The following EPG5 variants were observed in gnomAD, a reference collection of about 807,000 sequenced individuals.
EPG5 encodes the protein ectopic P-granules 5 autophagy tethering factor.
In EPG5, 159 loss-of-function variants were observed where a neutral mutation model predicts 302.7. The observed-to-expected ratio is 0.53, with a 90% confidence interval of 0.46 to 0.60. The LOEUF (loss-of-function observed/expected upper bound fraction) is 0.60. Among genes scored for constraint, EPG5 ranks in the 20% least tolerant of loss-of-function variants. The pLI is 0.00. For missense variants in EPG5, 2,896 were observed against 3,092.4 expected, an observed-to-expected ratio of 0.94 and a Z score of 1.51; for synonymous variants, 1,158 against 1,136.8, an observed-to-expected ratio of 1.02 and a Z score of -0.37.
intron 35 of EPG5, among the ~76,000 whole-genome samples, chr18:45,874,644 G>A (rs946629932): frequency 6.6e-6 from 1 of 152,190 alleles, no homozygotes; most frequent in Non-Finnish European, 1.5e-5. Flanking sequence ...CAGGAGAACA[G>A]TATGAGGGAA....
At position 45,866,858 on chromosome 18, in the gene EPG5, G is replaced by T; in HGVS notation, c.6561C>A (p.Ile2187=). 1 of 1,614,166 alleles carries T rather than the reference G, an allele frequency of 6.2e-7. No individual in the cohort carries two copies. ...ILAKESYAEL[I]MKLLKVSAGL... ...CCGCAGACACTTTTAGGAGCTTCAT[G>T]ATTAATTCAGCATAAGATTCTTTTG... Residue 2187 remains isoleucine (I), a synonymous_variant, in exon 38 of 44, where the codon ATC becomes ATA. Transcript: ENST00000282041.
In EPG5 at chr18:45,955,212, T is replaced by C; in HGVS notation, c.190A>G (p.Thr64Ala). The C allele has an allele frequency of 1.9e-6, 3 of 1,614,198 alleles. No individual in the cohort carries two copies. Among genetic ancestry groups the C allele is most frequent in the Non-Finnish European group, 2.5e-6 (3 of 1,180,030 alleles). ...EFKGDHLKVV[T>A]DSQLQDDASG... ...GCATCATCCTGGAGCTGGGAATCAGTTACCACCTTCAGATGGTCTCCTTTG... is the reference window on the plus strand; with the variant it reads ...GCATCATCCTGGAGCTGGGAATCAGCTACCACCTTCAGATGGTCTCCTTTG... Residue 64 changes from threonine to alanine, a missense_variant, in exon 2 of 44, where the codon ACT becomes GCT. Thr to Ala is a moderately conservative substitution (Grantham distance 58). Coordinates refer to ENST00000282041, the MANE Select transcript of EPG5 (RefSeq NM_020964.3).
rs765474500 is a variant in EPG5 at position 45,928,863 on chromosome 18, T to G, written c.2553+6A>C. On this transcript the variant is annotated splice_donor_region_variant and intron_variant, in intron 13 of 43. Coordinates refer to ENST00000282041, the MANE Select transcript of EPG5 (RefSeq NM_020964.3). Reference sequence around the variant, plus strand: ...AAACAAAAACAAACAAAATCAGTGCTCTTACCATTCCAACCTGGTCAATGG... The same window carrying G: ...AAACAAAAACAAACAAAATCAGTGCGCTTACCATTCCAACCTGGTCAATGG... 2 of 1,607,370 alleles carry G rather than the reference T, an allele frequency of 1.2e-6. No homozygotes were observed. The highest frequency in any genetic ancestry group is 2.2e-5 in the South Asian group (2 of 89,278).
chr18:45,901,047 T>C lies in EPG5; in HGVS notation c.4595A>G (p.Asp1532Gly). The C allele has an allele frequency of 6.2e-7, 1 of 1,614,166 alleles. No homozygotes were observed. The highest frequency in any genetic ancestry group is 8.5e-7 in the Non-Finnish European group (1 of 1,180,026). Residue 1532 changes from aspartate (D) to glycine (G), a missense_variant, in exon 26 of 44, where the codon GAC (aspartate) becomes GGC (glycine). Around this residue, in one of 5 missense-constraint regions of EPG5, gnomAD observed 790 missense variants for 798.0 expected, o/e 0.99. Coordinates refer to ENST00000282041, the MANE Select transcript of EPG5 (RefSeq NM_020964.3). ...ISSAVLLSQK[D>G]ATQLVCTDLN... Reference sequence around the variant, plus strand: ...GTCTGTGCACACCAGCTGGGTGGCGTCCTTCTGACTCAATAGCACAGCAGA... The same window carrying C: ...GTCTGTGCACACCAGCTGGGTGGCGCCCTTCTGACTCAATAGCACAGCAGA...
At chr18:45,948,605 G>A (rs778282748) in intron 5 of EPG5, 29 bp from the exon 6 acceptor site, 2 of 1,568,888 alleles carry the variant, frequency 1.3e-6, no homozygotes, top group South Asian at 2.2e-5. Flanking sequence ...AAAGCATACT[G>A]TAGAAAACAA....
At position 45,865,720 on chromosome 18, in the gene EPG5, C is replaced by G. The variant is rs1421354882; in HGVS notation, c.6661G>C (p.Val2221Leu). The G allele has an allele frequency of 6.2e-7, 1 of 1,612,254 alleles. No individual in the cohort carries two copies. The highest frequency in any genetic ancestry group is 8.5e-7 in the Non-Finnish European group (1 of 1,179,676). Reference sequence around the variant, plus strand: ...TGTTCCAGGGTGCTGAGGAATTGAACCATCTGATGAGTAAAAGCTTGGCAT... The same window carrying G: ...TGTTCCAGGGTGCTGAGGAATTGAAGCATCTGATGAGTAAAAGCTTGGCAT... ...PKCQAFTHQM[V>L]QFLSTLEQNG... The change falls in exon 39 of 44, where the codon GTT (valine) becomes CTT (leucine). Residue 2221 changes from valine to leucine, a missense_variant. By Grantham distance (32) the Val-to-Leu change is conservative. Transcript: ENST00000282041.
chr18:45,834,120 C>T, the EPG5 span, among the ~76,000 whole-genome samples: 1 of 152,144 alleles, frequency 6.6e-6, no homozygotes, highest in African/African-American at 2.4e-5. Flanking sequence ...TTCGTGCAGT[C>T]CCCTCCCTTT....
chr18:45,852,627 A>G lies in EPG5; in HGVS notation c.7580T>C (p.Met2527Thr), dbSNP rs761480130. The G allele has an allele frequency of 1.9e-6, 3 of 1,614,182 alleles. No homozygotes were observed. In the South Asian group the frequency reaches 3.3e-5, roughly 18 times the overall value. ...AQQALNALES[M>T]ASSKQYVEYQ... Reference sequence around the variant, plus strand: ...TTCAACATACTGCTTACTTGATGCCATGGATTCAAGAGCATTCAGAGCCTA... The same window carrying G: ...TTCAACATACTGCTTACTTGATGCCGTGGATTCAAGAGCATTCAGAGCCTA... The change falls in exon 44 of 44, where the codon ATG becomes ACG. Residue 2527 changes from methionine to threonine, a missense_variant. Coordinates refer to ENST00000282041, the MANE Select transcript of EPG5 (RefSeq NM_020964.3).
intron 11 of EPG5, among the ~76,000 whole-genome samples, chr18:45,932,646 T>C (rs2050419776): frequency 6.6e-6 from 1 of 152,090 alleles, no homozygotes; most frequent in Non-Finnish European, 1.5e-5. Flanking sequence ...AATTGATATA[T>C]AAAAGATTAA....
chr18:45,805,296 G>A, the EPG5 span, among the ~76,000 whole-genome samples: 2 of 151,898 alleles, frequency 1.3e-5, no homozygotes, highest in Non-Finnish European at 2.9e-5. Flanking sequence ...TAGTTGTGAT[G>A]AATGTACTGT....
In EPG5 at chr18:45,870,644, C is replaced by A; in HGVS notation, c.6148G>T (p.Ala2050Ser). 6.2e-7 allele frequency: 1 copy of A among 1,614,000 alleles called. No homozygotes were observed. The highest frequency in any genetic ancestry group is 8.5e-7 in the Non-Finnish European group (1 of 1,179,956). ...AGTTTCCGGTACGTGCTATGGAAAGCGTACAGAATGAACTCTGGCATTTTG... is the reference window on the plus strand; with the variant it reads ...AGTTTCCGGTACGTGCTATGGAAAGAGTACAGAATGAACTCTGGCATTTTG... ...APKMPEFILY[A>S]FHSTYRKLPW... The change falls in exon 36 of 44, where the codon GCT (alanine) becomes TCT (serine). Residue 2050 changes from alanine to serine, a missense_variant. Transcript: ENST00000282041.
chr18:45,913,944 T>C (rs2049969973), intron 20 of EPG5, 116 bp from the exon 21 acceptor site: 2 of 1,341,548 alleles, frequency 1.5e-6, no homozygotes, highest in South Asian at 1.4e-5. Context: ...CAGCAAATAT[T>C]TGCAGTTTCT....
intron 35 of EPG5, among the ~76,000 whole-genome samples, chr18:45,875,886 C>T (rs2048958531): frequency 6.6e-6 from 1 of 152,074 alleles, no homozygotes; most frequent in African/African-American, 2.4e-5. Flanking sequence ...GAAACCCCGT[C>T]TCTACTAAAA....
the EPG5 span, among the ~76,000 whole-genome samples, chr18:45,814,150 T>C: frequency 6.6e-6 from 1 of 152,020 alleles, no homozygotes; most frequent in Non-Finnish European, 1.5e-5. Flanking sequence ...ACATCACCAA[T>C]AACAAGCCAG....
At chr18:45,888,100 T>G (rs1218431389) in intron 28 of EPG5, among the ~76,000 whole-genome samples, 193 bp from the exon 29 acceptor site, 2 of 151,926 alleles carry the variant, frequency 1.3e-5, no homozygotes, top group African/African-American at 4.8e-5. Context: ...TGATTTTCTT[T>G]TTTTTTTTCT....
Position 45,923,754 on chromosome 18 carries a change from C to T in EPG5, c.2719-367G>A, listed in dbSNP as rs772820275. ...AAAAATATTTAATGAACTGTCTAGG[C>T]GTGGTGGTTCATGCCTGTAATCCCA... On this transcript the variant is annotated intron_variant, in intron 14 of 43. Coordinates refer to ENST00000282041, the MANE Select transcript of EPG5 (RefSeq NM_020964.3). Among the ~76,000 whole-genome samples the T allele has an allele frequency of 7.9e-5, 12 of 152,162 alleles. No individual in the cohort carries two copies. In the South Asian group the frequency reaches 8.3e-4, roughly 11 times the overall value.
At chr18:45,923,191 T>G in intron 15 of EPG5, 77 bp downstream of exon 15, 4 of 1,501,678 alleles carry the variant, frequency 2.7e-6, no homozygotes, top group Middle Eastern at 1.8e-4. Flanking sequence ...GTCAATAGTA[T>G]AAGTCTATCA....
chr18:45,882,438 C>T lies in EPG5; in HGVS notation c.5354G>A (p.Arg1785His), dbSNP rs755031204. Residue 1785 changes from arginine to histidine, a missense_variant, in exon 31 of 44, where the codon CGT becomes CAT. Arg to His is a conservative substitution (Grantham distance 29, BLOSUM62 0). Around this residue, in one of 5 missense-constraint regions of EPG5, gnomAD observed 790 missense variants for 798.0 expected, o/e 0.99. Transcript: ENST00000282041. ...GTGAATGGACTCCAGAAGCCTGGTA[C>T]GATCAGACAGAGGAGGTTTAGTGGC... is the stretch of plus-strand genomic sequence containing the variant. ...LSATKPPLSDRTRLLESIHLA... is the reference protein window; with the variant it reads ...LSATKPPLSDHTRLLESIHLA... 6.2e-7 allele frequency: 1 copy of T among 1,614,004 alleles called. No individual in the cohort carries two copies.
At chr18:45,907,703 A>G (rs1337039884) in intron 24 of EPG5, among the ~76,000 whole-genome samples, 1 of 152,180 alleles carries the variant, frequency 6.6e-6, no homozygotes, top group Non-Finnish European at 1.5e-5. Context: ...GAGGAAGGTT[A>G]TGTTTATGAG....
Sources: gnomAD v4.1 joint callset for allele counts (sites outside exome capture counted in the v4.1 genomes callset) on GRCh38, gnomAD v4.1.1 for gene constraint, gnomAD v4.1.1 regional missense constraint, MANE v1.5 for transcripts, NCBI Gene and HGNC (gene_info 2026-07-23, HGNC 2026-07-21) for gene names.